PTPRS: variants seen among roughly 807,000 people sequenced by gnomAD.
The protein encoded by PTPRS is receptor-type tyrosine-protein phosphatase S.
In PTPRS, 63 loss-of-function variants were observed where a neutral mutation model predicts 215.3. The observed-to-expected ratio is 0.29, with a 90% CI of 0.24 to 0.36. The LOEUF is 0.36. Among genes scored for constraint, PTPRS ranks in the 10% least tolerant of loss-of-function variants. The pLI is 1.00. For synonymous variants in PTPRS, 1,404 were observed against 1,191.4 expected, an observed-to-expected ratio of 1.18 and a Z score of -3.68; for missense variants, 2,258 against 2,825.8, an observed-to-expected ratio of 0.80 and a Z score of 4.56.
Position 5,210,866 on chromosome 19 carries a change from G to C in PTPRS, c.5235-61C>G. On this transcript the variant is annotated intron_variant, in intron 33 of 37. Coordinates refer to ENST00000262963, the MANE Select transcript of PTPRS (RefSeq NM_002850.4). The surrounding 1 kb of genome is among the most constrained non-coding windows in gnomAD (Gnocchi z 4.5). ...GGGAGACCCGGCGTGGTACTCACCTGATGCTGCCCGGGAGGGTCAGGACCA... is the reference window on the plus strand; with the variant it reads ...GGGAGACCCGGCGTGGTACTCACCTCATGCTGCCCGGGAGGGTCAGGACCA... 1 of 1,572,796 alleles carries C rather than the reference G, an allele frequency of 6.4e-7. No individual in the cohort carries two copies. Among genetic ancestry groups the C allele is most frequent in the South Asian group, 1.2e-5 (1 of 84,812 alleles).
At chr19:5,217,822 G>C (rs2041621219) in intron 25 of PTPRS, among the ~76,000 whole-genome samples, 1 of 152,162 alleles carries the variant, frequency 6.6e-6, no homozygotes, top group African/African-American at 2.4e-5. Context: ...AGAGGGAGGA[G>C]ATGGTAGAGT....
At chr19:5,254,386 T>C (rs2045390346) in intron 9 of PTPRS, among the ~76,000 whole-genome samples, 1 of 148,052 alleles carries the variant, frequency 6.8e-6, no homozygotes, top group South Asian at 2.2e-4. Flanking sequence ...TCAGCTGGGG[T>C]TGGTGGTTAA....
chr19:5,286,059 C>T lies in PTPRS; in HGVS notation c.82G>A (p.Ala28Thr). ...CGTGCCGGCTTCTTACCTTCTGCTGCACAGCCTCCAACGAGCAGGACCACA... is the reference window on the plus strand; with the variant it reads ...CGTGCCGGCTTCTTACCTTCTGCTGTACAGCCTCCAACGAGCAGGACCACA... ...LLVVLLVGGCAAEEPPRFIKE... is the reference protein window; with the variant it reads ...LLVVLLVGGCTAEEPPRFIKE... The change falls in exon 2 of 38, where the codon GCA becomes ACA. Residue 28 changes from alanine to threonine, a missense_variant. Physicochemically the swap from Ala to Thr is moderately conservative, Grantham distance 58. Around this residue, in one of 6 missense-constraint regions of PTPRS, gnomAD observed 508 missense variants for 799.4 expected, o/e 0.64. Coordinates refer to ENST00000262963, the MANE Select transcript of PTPRS (RefSeq NM_002850.4). 1 of 1,613,550 alleles carries T rather than the reference C, an allele frequency of 6.2e-7. No homozygotes were observed. Among genetic ancestry groups the T allele is most frequent in the Non-Finnish European group, 8.5e-7 (1 of 1,179,518 alleles).
rs1003148147 is a variant in PTPRS, at chr19:5,274,471, G to T, written c.92-127C>A. 19 of 1,166,292 alleles carry T rather than the reference G, an allele frequency of 1.6e-5. No individual in the cohort carries two copies. In the African/African-American group the frequency reaches 2.3e-4, roughly 14 times the overall value. 72.2% of individuals were successfully genotyped at this position (1,166,292 alleles called of 1,614,324 possible). Reference sequence around the variant, plus strand: ...AAGTGCCATGTGGCCAATGAAGAGAGGAGGAGGAAAGCAAGGATGACAACA... The same window carrying T: ...AAGTGCCATGTGGCCAATGAAGAGATGAGGAGGAAAGCAAGGATGACAACA... On this transcript the variant is annotated intron_variant, in intron 2 of 37. Transcript: ENST00000262963.
At chr19:5,286,546 A>T (rs2048367650) in intron 1 of PTPRS, among the ~76,000 whole-genome samples, 2 of 152,162 alleles carry the variant, frequency 1.3e-5, no homozygotes, top group African/African-American at 4.8e-5. Context: ...TAGTGTCATA[A>T]AGGATCTCCC....
At position 5,214,746 on chromosome 19, in the gene PTPRS, G is replaced by A. The variant is rs771027282; in HGVS notation, c.4319-10C>T. 6.3e-7 allele frequency: 1 copy of A among 1,592,632 alleles called. No homozygotes were observed. The highest frequency in any genetic ancestry group is 8.6e-7 in the Non-Finnish European group (1 of 1,164,248). On this transcript the variant is annotated splice_polypyrimidine_tract_variant and intron_variant, in intron 28 of 37. Coordinates refer to ENST00000262963, the MANE Select transcript of PTPRS (RefSeq NM_002850.4). ...TCACTGCCCATGATGCCTGCAGCCA[G>A]GGCGAGAGGCCAGGGATCTGTGGGG... is the stretch of plus-strand genomic sequence containing the variant.
chr19:5,303,757 C>A (rs2049377759), intron 1 of PTPRS, among the ~76,000 whole-genome samples: 1 of 151,902 alleles, frequency 6.6e-6, no homozygotes, highest in African/African-American at 2.4e-5. Context: ...CAAGACCAGC[C>A]TGGCCAACAT....
In PTPRS at chr19:5,232,171, G is replaced by T. The variant is rs548535477; in HGVS notation, c.1850-556C>A. 5.9e-5 allele frequency among the ~76,000 whole-genome samples: 9 copies of T among 151,628 alleles called. No homozygotes were observed. The East Asian group carries it at 1.8e-3, about 30-fold the overall frequency. On this transcript the variant is annotated intron_variant, in intron 13 of 37. Coordinates refer to ENST00000262963, the MANE Select transcript of PTPRS (RefSeq NM_002850.4). ...GGTACCTACTATGTGCCAGCACCAA[G>T]GGCTTCACAAAATAATAGTAAAATA...
chr19:5,267,917 C>T (rs892076146), intron 4 of PTPRS, among the ~76,000 whole-genome samples: 1 of 152,074 alleles, frequency 6.6e-6, no homozygotes, highest in Non-Finnish European at 1.5e-5. Context: ...CGCCTATAAT[C>T]CCAGCACTTT....
chr19:5,223,422 A>C, intron 17 of PTPRS, 125 bp from the exon 18 acceptor site: 2 of 1,179,958 alleles, frequency 1.7e-6, no homozygotes, highest in Non-Finnish European at 2.2e-6. Flanking sequence ...GGGGGGTCTT[A>C]CTCTGTTGCC....
chr19:5,307,063 G>C (rs1248009820), intron 1 of PTPRS, among the ~76,000 whole-genome samples: 1 of 152,196 alleles, frequency 6.6e-6, no homozygotes, highest in Non-Finnish European at 1.5e-5. Context: ...CCAGCACTTT[G>C]GGAGGCTGAG....
At chr19:5,258,992 C>T (rs779075916) in intron 7 of PTPRS, among the ~76,000 whole-genome samples, 9 of 152,146 alleles carry the variant, frequency 5.9e-5, no homozygotes, top group Admixed American at 6.5e-5. Context: ...AAATTATGGT[C>T]CTAGACCCAA....
In PTPRS at chr19:5,265,184, G is replaced by A; in HGVS notation, c.392C>T (p.Pro131Leu). The A allele has an allele frequency of 1.2e-6, 2 of 1,613,628 alleles. No individual in the cohort carries two copies. The highest frequency in any genetic ancestry group is 1.1e-5 in the South Asian group (1 of 91,004). Residue 131 changes from proline (P) to leucine (L), a missense_variant, in exon 5 of 38, where the codon CCC becomes CTC. Physicochemically the swap from Pro to Leu is moderately conservative, Grantham distance 98 (BLOSUM62 -3). Around this residue, in one of 6 missense-constraint regions of PTPRS, gnomAD observed 508 missense variants for 799.4 expected, o/e 0.64. Transcript: ENST00000262963. The stretch of plus-strand genomic sequence containing the variant: ...CATGTCGATGTTGGGGAAGCCAGAG[G>A]GCAGCTGGTCCTCTGAGGGCAGAGA... ...KLTVLREDQL[P>L]SGFPNIDMGP...
intron 1 of PTPRS, among the ~76,000 whole-genome samples, chr19:5,336,871 G>C (rs1269053989): frequency 6.6e-6 from 1 of 152,166 alleles, no homozygotes; most frequent in Non-Finnish European, 1.5e-5. Context: ...GGGAAGGACG[G>C]AGGAAGGGCA....
rs188901865 is a variant in PTPRS at position 5,286,834 on chromosome 19, C to A, written c.-94-600G>T. 3.3e-3 allele frequency among the ~76,000 whole-genome samples: 496 copies of A among 152,104 alleles called. 1 individual carries two copies. Among genetic ancestry groups the A allele is most frequent in the Non-Finnish European group, 5.7e-3 (390 of 67,982 alleles). On this transcript the variant is annotated intron_variant, in intron 1 of 37. Transcript: ENST00000262963. ...ACCCAGGCTGGGCCCCTGACTCAGA[C>A]CAAGCCCCACACCAGGACTGAGGAC... is the stretch of plus-strand genomic sequence containing the variant.
chr19:5,229,460 G>A (rs753061213), intron 15 of PTPRS, 31 bp downstream of exon 15: 106 of 1,361,308 alleles, frequency 7.8e-5, no homozygotes, highest in Admixed American at 7.8e-5. Flanking sequence ...CCCGGAGCCC[G>A]TCCCCGGCCC....
intron 6 of PTPRS, among the ~76,000 whole-genome samples, chr19:5,262,512 T>A (rs930641991): frequency 1.3e-5 from 2 of 152,168 alleles, no homozygotes; most frequent in Non-Finnish European, 1.5e-5. Context: ...CAGTAGCAGC[T>A]AGGCTGGAAA....
intron 1 of PTPRS, among the ~76,000 whole-genome samples, chr19:5,335,539 G>T (rs755673667): frequency 2.6e-5 from 4 of 152,114 alleles, no homozygotes; most frequent in Non-Finnish European, 5.9e-5. Flanking sequence ...TGAGATCTGG[G>T]AGAAAAAGGG....
In PTPRS at chr19:5,221,023, G is replaced by A. The variant is rs781606722; in HGVS notation, c.3432C>T (p.Asp1144=). 66 of 1,611,970 alleles carry A rather than the reference G, an allele frequency of 4.1e-5. No homozygotes were observed. The highest frequency in any genetic ancestry group is 5.1e-5 in the Non-Finnish European group (60 of 1,178,958). ...ADGFIMVYLP[D]GQSPVPVQSY... ...ACTGGACAGGCACGGGGCTCTGGCC[G>A]TCAGGAAGATACACCATGATGAAGC... Residue 1144 remains aspartate (D), a synonymous_variant, in exon 20 of 38, where the codon GAC becomes GAT. Transcript: ENST00000262963.
Sources: gnomAD v4.1 joint callset for allele counts (sites outside exome capture counted in the v4.1 genomes callset) on GRCh38, gnomAD v4.1.1 for gene constraint, gnomAD v4.1.1 regional missense constraint, Gnocchi (gnomAD v3.1) non-coding constraint, MANE v1.5 for transcripts, NCBI Gene and HGNC (gene_info 2026-07-23, HGNC 2026-07-21) for gene names.